RNF13: variants seen among roughly 807,000 people sequenced by gnomAD.
RNF13 encodes the protein E3 ubiquitin-protein ligase RNF13.
Under a neutral mutation model 37.7 loss-of-function variants are expected in RNF13, and 19 were observed. The observed-to-expected ratio is 0.50, with a 90% CI of 0.35 to 0.74. RNF13 has a LOEUF of 0.74. Among genes scored for constraint, RNF13 ranks in the 30% least tolerant of loss-of-function variants. RNF13 has a pLI of 0.01. For synonymous variants in RNF13, 144 were observed against 157.8 expected (o/e 0.91, Z 0.65); for missense variants, 375 against 453.0 (o/e 0.83, Z 1.56).
At chr3:149,876,871 C>G in intron 4 of RNF13, among the ~76,000 whole-genome samples, 1 of 150,988 alleles carries the variant, frequency 6.6e-6, no homozygotes, top group East Asian at 2.0e-4. Context: ...CTCTGCCTCC[C>G]GGGTTCAAGC....
At chr3:149,882,104 CAT>C (rs1713485271) in intron 4 of RNF13, among the ~76,000 whole-genome samples, 1 of 151,678 alleles carries the variant, frequency 6.6e-6, no homozygotes, top group Admixed American at 6.6e-5. Flanking sequence ...GAGGAAGTAA[CAT>C]ATGACACTTA....
intron 3 of RNF13, among the ~76,000 whole-genome samples, chr3:149,857,254 T>C (rs1391080159): frequency 2.6e-5 from 4 of 152,258 alleles, no homozygotes; most frequent in African/African-American, 9.6e-5. Context: ...AGGTTAATTG[T>C]ATTTAAAGCC....
chr3:149,812,988 G>A (rs1251463306), upstream of RNF13: 1 of 152,516 alleles, frequency 6.6e-6, no homozygotes, highest in Non-Finnish European at 1.5e-5. Flanking sequence ...CCGCGCTCCA[G>A]TTCCGCAGAC....
At chr3:149,951,457 T>G (rs1721326363) in intron 8 of RNF13, among the ~76,000 whole-genome samples, 1 of 152,158 alleles carries the variant, frequency 6.6e-6, no homozygotes, top group Non-Finnish European at 1.5e-5. Context: ...GATCCTAAGG[T>G]CTGTACTGTA....
intron 8 of RNF13, among the ~76,000 whole-genome samples, chr3:149,928,361 G>A (rs1179023788): frequency 1.3e-5 from 2 of 151,938 alleles, no homozygotes; most frequent in African/African-American, 4.8e-5. Context: ...TAAATATGAG[G>A]TAGGGCTCCC....
intron 8 of RNF13, among the ~76,000 whole-genome samples, chr3:149,928,566 C>G (rs1477098133): frequency 1.3e-5 from 2 of 152,154 alleles, no homozygotes; most frequent in African/African-American, 4.8e-5. Flanking sequence ...ATTTTGATTA[C>G]TCTAGTTTTG....
intron 4 of RNF13, among the ~76,000 whole-genome samples, chr3:149,884,038 T>C (rs1423106760): frequency 6.6e-6 from 1 of 152,204 alleles, no homozygotes; most frequent in Admixed American, 6.5e-5. Flanking sequence ...ATCTCGTTCC[T>C]TTTTATGGCT....
chr3:149,925,686 T>C (rs1380030886), intron 8 of RNF13, among the ~76,000 whole-genome samples: 1 of 152,186 alleles, frequency 6.6e-6, no homozygotes, highest in Non-Finnish European at 1.5e-5. Flanking sequence ...TGTACATATA[T>C]CCTGGTGCAT....
intron 3 of RNF13, among the ~76,000 whole-genome samples, chr3:149,865,329 G>GATATATATATATATAT (rs3028509): frequency 7.1e-4 from 99 of 139,110 alleles, no homozygotes; most frequent in African/African-American, 9.4e-4. Flanking sequence ...ATGTTTTGGT[G>GATATATATATATATAT]ATATATATAT....
chr3:149,881,282 A>G (rs1046839300), intron 4 of RNF13, among the ~76,000 whole-genome samples: 1 of 152,208 alleles, frequency 6.6e-6, no homozygotes, highest in Non-Finnish European at 1.5e-5. Flanking sequence ...TTGCTTGTCC[A>G]TATGCCATAG....
intron 9 of RNF13, among the ~76,000 whole-genome samples, chr3:149,960,349 T>G (rs1722267542): frequency 1.3e-5 from 2 of 152,132 alleles, no homozygotes; most frequent in Non-Finnish European, 2.9e-5. Context: ...CCCAGCACTT[T>G]GGGAGGCCGA....
intron 7 of RNF13, among the ~76,000 whole-genome samples, chr3:149,919,588 C>T (rs1717914857): frequency 6.6e-6 from 1 of 152,100 alleles, no homozygotes; most frequent in Non-Finnish European, 1.5e-5. Context: ...TTGTTCATTC[C>T]TTTTTATTGC....
chr3:149,832,435 A>AG (rs550995297), intron 1 of RNF13, among the ~76,000 whole-genome samples: 2 of 152,350 alleles, frequency 1.3e-5, no homozygotes, highest in African/African-American at 4.8e-5. Flanking sequence ...ATGTGAAGTT[A>AG]GGATTTACTG....
chr3:149,935,407 T>A (rs769194078), intron 8 of RNF13, among the ~76,000 whole-genome samples: 13 of 152,164 alleles, frequency 8.5e-5, no homozygotes, highest in African/African-American at 1.4e-4. Context: ...CCTCCTGTCA[T>A]TTTGTTGTTT....
At chr3:149,902,242 G>T in intron 6 of RNF13, 80 bp downstream of exon 6, 2 of 664,880 alleles carry the variant, frequency 3.0e-6, no homozygotes, top group Non-Finnish European at 5.0e-6. Context: ...TTGTAATCAA[G>T]ATTATGTTTC....
chr3:149,954,590 CTT>C (rs1405245996), intron 8 of RNF13, among the ~76,000 whole-genome samples: 4 of 152,106 alleles, frequency 2.6e-5, no homozygotes, highest in Non-Finnish European at 5.9e-5. Context: ...TTCACAGAAA[CTT>C]TTAAAAACAA....
At chr3:149,946,472 TAATTA>T (rs1484933215) in intron 8 of RNF13, among the ~76,000 whole-genome samples, 1 of 152,264 alleles carries the variant, frequency 6.6e-6, no homozygotes, top group Non-Finnish European at 1.5e-5. Flanking sequence ...GGGAGGCTTT[TAATTA>T]CTATTTCAAT....
intron 8 of RNF13, among the ~76,000 whole-genome samples, chr3:149,959,805 A>ATGAG (rs1350163330): frequency 6.6e-6 from 1 of 152,252 alleles, no homozygotes; most frequent in Non-Finnish European, 1.5e-5. Flanking sequence ...TGATGTAATT[A>ATGAG]TGAGTCTTAC....
intron 3 of RNF13, among the ~76,000 whole-genome samples, chr3:149,852,967 G>GA (rs1723252156): frequency 1.3e-5 from 2 of 151,592 alleles, no homozygotes; most frequent in Non-Finnish European, 2.9e-5. Flanking sequence ...AACACTAATA[G>GA]AAACATGCTA....
Sources: gnomAD v4.1 joint callset for allele counts (sites outside exome capture counted in the v4.1 genomes callset) on GRCh38, gnomAD v4.1.1 for gene constraint, MANE v1.5 for transcripts, NCBI Gene and HGNC (gene_info 2026-07-23, HGNC 2026-07-21) for gene names.